The following OXSR1 variants were observed in gnomAD, a reference collection of about 807,000 sequenced individuals.
The protein encoded by OXSR1 is serine/threonine-protein kinase OSR1.
Under a neutral mutation model 79.8 loss-of-function variants are expected in OXSR1, and 24 were observed. That is an observed-to-expected ratio of 0.30 (90% confidence interval 0.22 to 0.42). The LOEUF is 0.42. Ranked by LOEUF, OXSR1 falls within the 10% of genes least tolerant of loss-of-function variation. The pLI is 1.00. For synonymous variants in OXSR1, 226 were observed against 209.2 expected (o/e 1.08, Z -0.69); for missense variants, 430 against 618.4 (o/e 0.70, Z 3.23).
intron 1 of OXSR1, 127 bp from the exon 2 acceptor site, chr3:38,182,876 T>G: frequency 8.1e-6 from 4 of 492,530 alleles, no homozygotes; most frequent in Non-Finnish European, 1.4e-5. Context: ...TAGAGCATTT[T>G]TCTCTATCTG....
chr3:38,208,083 A>G (rs1702305509), intron 4 of OXSR1, among the ~76,000 whole-genome samples: 1 of 151,878 alleles, frequency 6.6e-6, no homozygotes. Flanking sequence ...TTAATTGCTA[A>G]TATCAAGGTA....
chr3:38,191,760 A>G (rs1276759539), intron 3 of OXSR1, among the ~76,000 whole-genome samples: 2 of 102,628 alleles, frequency 1.9e-5, no homozygotes, highest in African/African-American at 7.9e-5. Context: ...AAGTAATCTT[A>G]CTTTGTAAGT....
At chr3:38,176,436 A>G (rs1201172086) in intron 1 of OXSR1, among the ~76,000 whole-genome samples, 2 of 152,206 alleles carry the variant, frequency 1.3e-5, no homozygotes, top group Non-Finnish European at 2.9e-5. Context: ...TTTTTTTCTA[A>G]TGAGAGAACG....
intron 3 of OXSR1, among the ~76,000 whole-genome samples, chr3:38,197,056 A>C (rs1466390867): frequency 6.6e-6 from 1 of 152,234 alleles, no homozygotes; most frequent in Non-Finnish European, 1.5e-5. Context: ...CTGAACGGTG[A>C]AACATGTGGC....
At chr3:38,236,716 A>T in intron 10 of OXSR1, 123 bp from the exon 11 acceptor site, 1 of 875,826 alleles carries the variant, frequency 1.1e-6, no homozygotes, top group South Asian at 2.4e-5. Flanking sequence ...GTATGGGAAC[A>T]TTTATGGGGA....
At chr3:38,202,959 C>T (rs189470399) in intron 4 of OXSR1, among the ~76,000 whole-genome samples, 1 of 152,296 alleles carries the variant, frequency 6.6e-6, no homozygotes, top group Non-Finnish European at 1.5e-5. Context: ...CTCTTTTCCA[C>T]CAGCTTCTTG....
At position 38,246,130 on chromosome 3, in the gene OXSR1, C is replaced by T; in HGVS notation, c.1166C>T (p.Ser389Phe). The T allele has an allele frequency of 1.2e-6, 2 of 1,613,842 alleles. No individual in the cohort carries two copies. Among genetic ancestry groups the T allele is most frequent in the African/African-American group, 1.3e-5 (1 of 75,024 alleles). ...TTGCTCCAAGTTCCAGAACAGATCT[C>T]TGCTCATCTACCTCAGCCAGCTGGG... ...GTLLQVPEQI[S>F]AHLPQPAGQI... is the part of the protein sequence containing the mutation. Residue 389 changes from serine to phenylalanine, a missense_variant, in exon 13 of 18, where the codon TCT becomes TTT. Ser to Phe is a radical substitution (Grantham distance 155). This residue lies in a region of OXSR1 where 276 missense variants were observed against 354.2 expected (regional missense o/e 0.78). Coordinates refer to ENST00000311806, the MANE Select transcript of OXSR1 (RefSeq NM_005109.3).
upstream of OXSR1, chr3:38,165,479 C>A: frequency 4.9e-6 from 1 of 203,566 alleles, no homozygotes; most frequent in South Asian, 9.4e-5. Context: ...TGGGGCGTGA[C>A]CAGCGCAGTG....
intron 12 of OXSR1, among the ~76,000 whole-genome samples, chr3:38,244,164 T>G (rs1025898151): frequency 1.3e-5 from 2 of 152,192 alleles, no homozygotes; most frequent in African/African-American, 2.4e-5. Flanking sequence ...TTTTACAGAT[T>G]ATCTAGTTTT....
chr3:38,219,595 A>G (rs1324290128), intron 5 of OXSR1, among the ~76,000 whole-genome samples: 2 of 152,140 alleles, frequency 1.3e-5, no homozygotes, highest in Non-Finnish European at 2.9e-5. Flanking sequence ...AGATGAAGAA[A>G]TTGTAGCACA....
intron 15 of OXSR1, 74 bp from the exon 16 acceptor site, chr3:38,251,329 C>G (rs1703251162): frequency 1.6e-6 from 2 of 1,230,412 alleles, no homozygotes; most frequent in African/African-American, 1.5e-5. Flanking sequence ...CACACTGACA[C>G]CCACATGAGC....
intron 5 of OXSR1, among the ~76,000 whole-genome samples, chr3:38,221,335 T>C (rs1375925601): frequency 1.3e-5 from 2 of 152,112 alleles, no homozygotes; most frequent in Non-Finnish European, 2.9e-5. Flanking sequence ...GCTTAGGCTG[T>C]TCTTGAACTC....
In OXSR1 at chr3:38,253,012, T is replaced by C; in HGVS notation, c.*121T>C. Reference sequence around the variant, plus strand: ...CAACAAACCTCCCGGCTAGGAGCTTTAGAAGTCTTTATGTTCTTCCTGCCA... The same window carrying C: ...CAACAAACCTCCCGGCTAGGAGCTTCAGAAGTCTTTATGTTCTTCCTGCCA... On this transcript the variant is annotated 3_prime_UTR_variant, in exon 18 of 18. Coordinates refer to ENST00000311806, the MANE Select transcript of OXSR1 (RefSeq NM_005109.3). 1 of 715,932 alleles carries C rather than the reference T, an allele frequency of 1.4e-6. No individual in the cohort carries two copies. Among genetic ancestry groups the C allele is most frequent in the Non-Finnish European group, 2.4e-6 (1 of 414,602 alleles). The allele number at this position is 715,932 out of a possible 1,614,324, so 44.3% of individuals were successfully genotyped here.
At chr3:38,171,127 C>T (rs1195015220) in intron 1 of OXSR1, among the ~76,000 whole-genome samples, 6 of 152,158 alleles carry the variant, frequency 3.9e-5, no homozygotes, top group Non-Finnish European at 5.9e-5. Flanking sequence ...ATGTTCCACA[C>T]CTGTCACGTC....
At position 38,230,744 on chromosome 3, in the gene OXSR1, A is replaced by G. The variant is rs1431836810; in HGVS notation, c.951+314A>G. The G allele has an allele frequency of 7.9e-5, 20 of 253,982 alleles. No individual in the cohort carries two copies. The Admixed American group carries it at 9.7e-4, about 12-fold the overall frequency. 15.7% of individuals were successfully genotyped at this position (253,982 alleles called of 1,614,324 possible). On this transcript the variant is annotated intron_variant, in intron 10 of 17. Transcript: ENST00000311806. ...TTACATGACATTTATAGCTTTGGGT[A>G]TAAGTCACAGTACCCTCTTTGGAAC...
At position 38,166,979 on chromosome 3, in the gene OXSR1, G is replaced by A. The variant is rs575750272; in HGVS notation, c.70+1033G>A. Reference sequence around the variant, plus strand: ...GAGAAGTGAGGATTAAGAGCCTCGGGAAGATTTTTCCTTACAGAGGGATAT... The same window carrying A: ...GAGAAGTGAGGATTAAGAGCCTCGGAAAGATTTTTCCTTACAGAGGGATAT... On this transcript the variant is annotated intron_variant, in intron 1 of 17. Coordinates refer to ENST00000311806, the MANE Select transcript of OXSR1 (RefSeq NM_005109.3). 2.0e-5 allele frequency among the ~76,000 whole-genome samples: 3 copies of A among 152,214 alleles called. 1 individual carries two copies. Among genetic ancestry groups the A allele is most frequent in the South Asian group, 2.1e-4 (1 of 4,828 alleles).
intron 1 of OXSR1, among the ~76,000 whole-genome samples, chr3:38,170,444 C>G (rs1449076302): frequency 6.6e-6 from 1 of 151,884 alleles, no homozygotes; most frequent in Non-Finnish European, 1.5e-5. Context: ...GGTGTTGTAT[C>G]TAAGAAATCT....
chr3:38,255,236 T>G lies in OXSR1; in HGVS notation c.*2345T>G, dbSNP rs1703341471. On this transcript the variant is annotated 3_prime_UTR_variant, in exon 18 of 18. Transcript: ENST00000311806. ...TGTGCCAATGCTATTTGTGAAATGT[T>G]TGGTCTTTCTAAACGACTAAAGGAT... is the stretch of plus-strand genomic sequence containing the variant. The G allele has an allele frequency of 2.0e-5, 3 of 152,638 alleles. No homozygotes were observed. The highest frequency in any genetic ancestry group is 4.4e-5 in the Non-Finnish European group (3 of 68,046). The allele number at this position is 152,638 out of a possible 1,614,324, so 9.5% of individuals were successfully genotyped here.
At chr3:38,237,638 CTT>C (rs1559525469) in intron 11 of OXSR1, among the ~76,000 whole-genome samples, 3 of 152,190 alleles carry the variant, frequency 2.0e-5, no homozygotes, top group African/African-American at 7.2e-5. Context: ...TTAAGACTCT[CTT>C]GATAAACACT....
Sources: gnomAD v4.1 joint callset for allele counts (sites outside exome capture counted in the v4.1 genomes callset) on GRCh38, gnomAD v4.1.1 for gene constraint, gnomAD v4.1.1 regional missense constraint, MANE v1.5 for transcripts, NCBI Gene and HGNC (gene_info 2026-07-23, HGNC 2026-07-21) for gene names.